Variants in TGFBR3 observed in about 807,000 individuals in gnomAD.
TGFBR3 encodes the protein transforming growth factor beta receptor type 3.
In TGFBR3, 46 loss-of-function variants were observed where a neutral mutation model predicts 87.9. The ratio of observed to expected loss-of-function variants is 0.52; its 90% CI spans 0.41 to 0.67. TGFBR3 has a LOEUF of 0.67. Ranked by LOEUF, TGFBR3 falls within the 30% of genes least tolerant of loss-of-function variation. The pLI is 0.00. For synonymous variants in TGFBR3, 381 were observed against 391.6 expected (o/e 0.97, Z 0.32); for missense variants, 866 against 1,041.9 (o/e 0.83, Z 2.32).
chr1:91,825,195 A>C (rs1282476925), intron 2 of TGFBR3, among the ~76,000 whole-genome samples: 1 of 152,272 alleles, frequency 6.6e-6, no homozygotes, highest in Non-Finnish European at 1.5e-5. Context: ...ATGAATGCCC[A>C]TAACAACATT....
chr1:91,865,467 G>C (rs1006774022), intron 1 of TGFBR3, among the ~76,000 whole-genome samples: 4 of 152,014 alleles, frequency 2.6e-5, no homozygotes, highest in African/African-American at 9.7e-5. Context: ...AAAAAAAGTA[G>C]AAATATAAAT....
At chr1:91,796,262 C>A (rs1466790141) in intron 3 of TGFBR3, among the ~76,000 whole-genome samples, 1 of 152,104 alleles carries the variant, frequency 6.6e-6, no homozygotes, top group African/African-American at 2.4e-5. Flanking sequence ...CATTTTTGAG[C>A]CACAGGAAAG....
At chr1:91,820,381 A>C (rs1676398018) in intron 2 of TGFBR3, among the ~76,000 whole-genome samples, 2 of 152,190 alleles carry the variant, frequency 1.3e-5, no homozygotes, top group Non-Finnish European at 2.9e-5. Context: ...ATTTATAATA[A>C]ACAAATACTT....
intron 1 of TGFBR3, among the ~76,000 whole-genome samples, chr1:91,902,272 TG>T (rs1404568531): frequency 1.7e-4 from 7 of 40,498 alleles, no homozygotes; most frequent in Non-Finnish European, 4.0e-4. Flanking sequence ...CCTTTTCTTT[TG>T]TGTGTGTGTG....
chr1:91,694,413 C>T (rs981244995), intron 16 of TGFBR3, among the ~76,000 whole-genome samples: 1 of 152,230 alleles, frequency 6.6e-6, no homozygotes, highest in East Asian at 1.9e-4. Flanking sequence ...ATGTCCCATG[C>T]TAGGCATGAA....
At chr1:91,865,555 T>C in intron 1 of TGFBR3, among the ~76,000 whole-genome samples, 1 of 152,196 alleles carries the variant, frequency 6.6e-6, no homozygotes, top group South Asian at 2.1e-4. Flanking sequence ...ATGTTCCATT[T>C]AAAAGGTAGG....
intron 8 of TGFBR3, among the ~76,000 whole-genome samples, chr1:91,720,711 A>T (rs1672340099): frequency 6.6e-6 from 1 of 152,268 alleles, no homozygotes; most frequent in East Asian, 1.9e-4. Flanking sequence ...TGTCCAAGCT[A>T]GAAAAATCTG....
intron 4 of TGFBR3, among the ~76,000 whole-genome samples, chr1:91,745,770 C>T (rs888462738): frequency 3.3e-5 from 5 of 152,174 alleles, no homozygotes; most frequent in Admixed American, 6.5e-5. Context: ...TGACTCAATG[C>T]CTTTTAAAAA....
upstream of TGFBR3, among the ~76,000 whole-genome samples, chr1:91,887,091 C>T (rs934689725): frequency 6.6e-6 from 1 of 152,052 alleles, no homozygotes; most frequent in African/African-American, 2.4e-5. Context: ...CGTGGACTGA[C>T]AGGTTTCAAA....
chr1:91,889,761 AC>A (rs936720061), upstream of TGFBR3, among the ~76,000 whole-genome samples: 4 of 78,126 alleles, frequency 5.1e-5, no homozygotes, highest in Non-Finnish European at 1.0e-4. Flanking sequence ...TGCAACCCCC[AC>A]CCCCACCTCC....
chr1:91,855,138 T>C (rs961012309), intron 2 of TGFBR3, among the ~76,000 whole-genome samples: 3 of 152,214 alleles, frequency 2.0e-5, no homozygotes, highest in African/African-American at 7.2e-5. Flanking sequence ...TCGATTTTCC[T>C]GTGGACTCTA....
At chr1:91,836,519 C>A (rs1677074730) in intron 2 of TGFBR3, among the ~76,000 whole-genome samples, 1 of 152,164 alleles carries the variant, frequency 6.6e-6, no homozygotes, top group Non-Finnish European at 1.5e-5. Flanking sequence ...AACGTCTATG[C>A]TCTAAAACGC....
chr1:91,853,771 T>C (rs1163819031), intron 2 of TGFBR3, among the ~76,000 whole-genome samples: 4 of 152,090 alleles, frequency 2.6e-5, no homozygotes, highest in Non-Finnish European at 4.4e-5. Context: ...CCCAGAACTT[T>C]TGGAGGCCAA....
chr1:91,735,472 T>C (rs1672935687), intron 4 of TGFBR3, among the ~76,000 whole-genome samples: 1 of 152,202 alleles, frequency 6.6e-6, no homozygotes, highest in South Asian at 2.1e-4. Context: ...TGGTTTATGT[T>C]CACCTCAGCA....
intron 1 of TGFBR3, among the ~76,000 whole-genome samples, chr1:91,899,948 G>A (rs1489892559): frequency 2.0e-5 from 3 of 151,976 alleles, no homozygotes; most frequent in Non-Finnish European, 2.9e-5. Flanking sequence ...GCAGCATAGT[G>A]AGACCTGTCT....
At chr1:91,789,333 C>T (rs1304905801) in intron 3 of TGFBR3, among the ~76,000 whole-genome samples, 1 of 152,170 alleles carries the variant, frequency 6.6e-6, no homozygotes, top group African/African-American at 2.4e-5. Flanking sequence ...TCAAGGCAGT[C>T]TCTATCTGGG....
At chr1:91,856,125 C>G (rs55806614) in intron 2 of TGFBR3, among the ~76,000 whole-genome samples, 15 of 152,114 alleles carry the variant, frequency 9.9e-5, no homozygotes, top group East Asian at 7.8e-4. Flanking sequence ...TGCAGTGGCG[C>G]GATCTCAGCT....
intron 3 of TGFBR3, among the ~76,000 whole-genome samples, chr1:91,780,918 C>CAT (rs1674743856): frequency 6.6e-6 from 1 of 151,130 alleles, no homozygotes; most frequent in Non-Finnish European, 1.5e-5. Flanking sequence ...CACACACACA[C>CAT]ACACACACAC....
At chr1:91,823,619 C>T (rs570783112) in intron 2 of TGFBR3, among the ~76,000 whole-genome samples, 11 of 152,294 alleles carry the variant, frequency 7.2e-5, no homozygotes, top group South Asian at 6.2e-4. Flanking sequence ...AGAAGTCAGA[C>T]ACAAAAGAGC....
Sources: allele counts gnomAD v4.1 joint callset (sites outside exome capture counted in the v4.1 genomes callset), GRCh38; gene constraint gnomAD v4.1.1; transcripts MANE v1.5; gene names NCBI Gene and HGNC (gene_info 2026-07-23, HGNC 2026-07-21).